Variants in CUL5 observed in about 807,000 individuals in gnomAD.
CUL5 encodes cullin-5.
A neutral mutation model predicts 108.8 loss-of-function variants in CUL5; 26 were observed. The observed-to-expected ratio is 0.24, with a 90% CI of 0.18 to 0.33. CUL5 has a LOEUF of 0.33. Ranked by LOEUF, CUL5 falls within the 10% of genes least tolerant of loss-of-function variation. The pLI, the probability that CUL5 is intolerant of heterozygous loss-of-function variation, is 1.00. For synonymous variants in CUL5, 334 were observed against 298.0 expected (o/e 1.12, Z -1.25); for missense variants, 524 against 909.2 (o/e 0.58, Z 5.45).
intron 7 of CUL5, among the ~76,000 whole-genome samples, chr11:108,069,446 A>G (rs1470975203): frequency 1.3e-5 from 2 of 152,006 alleles, no homozygotes; most frequent in African/African-American, 2.4e-5. Flanking sequence ...TACGTAACCT[A>G]TTTTAGGGCT....
Position 108,078,248 on chromosome 11 carries a change from T to A in CUL5, c.1178+8T>A. The A allele has an allele frequency of 6.6e-7, 1 of 1,510,612 alleles. No individual in the cohort carries two copies. The highest frequency in any genetic ancestry group is 9.1e-7 in the Non-Finnish European group (1 of 1,103,822). 93.6% of individuals were successfully genotyped at this position (1,510,612 alleles called of 1,614,324 possible). ...ACCTTTGAAGCAGAAGGGGTAAGTTTTTTAAAACCATACTTTAAAAATACT... is the reference window on the plus strand; with the variant it reads ...ACCTTTGAAGCAGAAGGGGTAAGTTATTTAAAACCATACTTTAAAAATACT... On this transcript the variant is annotated splice_region_variant and intron_variant, in intron 11 of 18. Transcript: ENST00000393094.
intron 17 of CUL5, 41 bp from the exon 18 acceptor site, chr11:108,098,365 T>G: frequency 6.5e-7 from 1 of 1,547,714 alleles, no homozygotes; most frequent in South Asian, 1.2e-5. Context: ...ATTTTTAAAG[T>G]GTTTTTCACC....
At chr11:108,063,615 AATG>A (rs981928659) in intron 7 of CUL5, among the ~76,000 whole-genome samples, 8 of 147,458 alleles carry the variant, frequency 5.4e-5, no homozygotes, top group East Asian at 2.0e-4. Flanking sequence ...TTTAAAGTAT[AATG>A]ATAATAAAAT....
intron 17 of CUL5, 150 bp from the exon 18 acceptor site, chr11:108,098,256 A>T: frequency 1.6e-6 from 1 of 620,930 alleles, no homozygotes; most frequent in Non-Finnish European, 2.6e-6. Flanking sequence ...AGTTTGTTTT[A>T]AAGCAATATG....
intron 7 of CUL5, among the ~76,000 whole-genome samples, chr11:108,063,426 C>G (rs1863594611): frequency 6.6e-6 from 1 of 151,980 alleles, no homozygotes; most frequent in Non-Finnish European, 1.5e-5. Context: ...TGTTTATGTA[C>G]ATTTTCATTA....
chr11:108,035,723 C>T (rs1296547412), intron 2 of CUL5, among the ~76,000 whole-genome samples: 1 of 151,774 alleles, frequency 6.6e-6, no homozygotes, highest in East Asian at 1.9e-4. Flanking sequence ...CCACTACACT[C>T]CAGGCTGGGT....
intron 11 of CUL5, among the ~76,000 whole-genome samples, chr11:108,087,445 T>C (rs746911462): frequency 6.6e-6 from 1 of 152,222 alleles, no homozygotes; most frequent in Admixed American, 6.5e-5. Context: ...TATTTACATA[T>C]ATTTTTAGAG....
intron 4 of CUL5, 147 bp downstream of exon 4, chr11:108,050,213 A>C: frequency 3.3e-6 from 2 of 600,426 alleles, no homozygotes; most frequent in Non-Finnish European, 5.6e-6. Context: ...TTATTGAATA[A>C]TATTCTTTTT....
chr11:108,094,864 T>C lies in CUL5; in HGVS notation c.1620T>C (p.Ser540=). Residue 540 remains serine (S), a synonymous_variant, in exon 15 of 19, where the codon TCT becomes TCC. Coordinates refer to ENST00000393094, the MANE Select transcript of CUL5 (RefSeq NM_003478.6). ...ATGCTGGCGCCTGGTCAAGAAGTTC[T>C]GAGAAAGTCTTTGTCTCACTTCCTA... is the stretch of plus-strand genomic sequence containing the variant. ...ILNAGAWSRS[S]EKVFVSLPTE... is the part of the protein sequence containing the mutation. 6.2e-7 allele frequency: 1 copy of C among 1,612,744 alleles called. No homozygotes were observed. The highest frequency in any genetic ancestry group is 1.1e-5 in the South Asian group (1 of 90,770).
chr11:108,067,944 T>C (rs913093589), intron 7 of CUL5, among the ~76,000 whole-genome samples: 1 of 152,226 alleles, frequency 6.6e-6, no homozygotes, highest in African/African-American at 2.4e-5. Flanking sequence ...TTTTCCTTTT[T>C]TGAGACGGAG....
chr11:108,078,264 T>G, intron 11 of CUL5, 24 bp downstream of exon 11: 1 of 1,351,166 alleles, frequency 7.4e-7, no homozygotes, highest in African/African-American at 1.5e-5. Flanking sequence ...AACCATACTT[T>G]AAAAATACTT....
At chr11:108,031,364 CAAA>C (rs34044185) in intron 1 of CUL5, among the ~76,000 whole-genome samples, 12 of 139,746 alleles carry the variant, frequency 8.6e-5, no homozygotes, top group Admixed American at 2.1e-4. Context: ...GACTCTGTCT[CAAA>C]AAAAAAAAAA....
rs1368999781 is a variant in CUL5 at position 108,070,193 on chromosome 11, G to C, written c.874+4G>C. ...ATCAAGAGAAATGAAACTGAAAGTA[G>C]GTAAAACATCACATAAAGTTATCAT... On this transcript the variant is annotated splice_donor_region_variant and intron_variant, in intron 8 of 18. Transcript: ENST00000393094. 3 of 1,589,360 alleles carry C rather than the reference G, an allele frequency of 1.9e-6. No individual in the cohort carries two copies. Among genetic ancestry groups the C allele is most frequent in the Admixed American group, 1.7e-5 (1 of 59,342 alleles).
intron 18 of CUL5, among the ~76,000 whole-genome samples, chr11:108,103,415 G>A (rs10890811): frequency 0.74 from 109,582 of 149,026 alleles, 40,642 homozygotes; most frequent in East Asian, 0.93. Context: ...AGAAGAAGGG[G>A]AAAAAAAAAA....
intron 5 of CUL5, 39 bp downstream of exon 5, chr11:108,052,840 T>C (rs1863269738): frequency 6.4e-7 from 1 of 1,555,948 alleles, no homozygotes; most frequent in Non-Finnish European, 8.8e-7. Flanking sequence ...TTCTGTTTCA[T>C]GGAAATTGTA....
intron 18 of CUL5, among the ~76,000 whole-genome samples, chr11:108,100,296 A>G (rs1281319721): frequency 6.6e-6 from 1 of 152,130 alleles, no homozygotes; most frequent in Non-Finnish European, 1.5e-5. Context: ...TAATCCCAGC[A>G]CTTTGGGAGG....
chr11:108,056,968 G>A (rs1365551008), intron 7 of CUL5, among the ~76,000 whole-genome samples: 1 of 152,162 alleles, frequency 6.6e-6, no homozygotes, highest in Admixed American at 6.5e-5. Flanking sequence ...GAGAAAGGAT[G>A]AGTTCATTTT....
chr11:108,043,855 T>C (rs1862999241), intron 2 of CUL5, among the ~76,000 whole-genome samples: 1 of 152,036 alleles, frequency 6.6e-6, no homozygotes. Context: ...ATGGCAAAAC[T>C]CCATTTCTAC....
intron 2 of CUL5, among the ~76,000 whole-genome samples, chr11:108,044,149 C>A (rs1262004387): frequency 6.6e-6 from 1 of 152,140 alleles, no homozygotes; most frequent in Non-Finnish European, 1.5e-5. Flanking sequence ...CATTATCAAG[C>A]TGAATTGAAC....
Sources: gnomAD v4.1 joint callset for allele counts (sites outside exome capture counted in the v4.1 genomes callset) on GRCh38, gnomAD v4.1.1 for gene constraint, MANE v1.5 for transcripts, NCBI Gene and HGNC (gene_info 2026-07-23, HGNC 2026-07-21) for gene names.